LRRC27: variants seen among roughly 807,000 people sequenced by gnomAD.
LRRC27 encodes leucine rich repeat containing 27.
Under a neutral mutation model 55.0 loss-of-function variants are expected in LRRC27, and 57 were observed. That is an observed-to-expected ratio of 1.04 (90% CI 0.84 to 1.29). LRRC27 has a LOEUF of 1.29. LRRC27 is among the 50% of genes most tolerant of loss of function. The pLI, the probability that LRRC27 is intolerant of heterozygous loss-of-function variation, is 0.00. For synonymous variants in LRRC27, 278 were observed against 251.9 expected, an observed-to-expected ratio of 1.10 and a Z score of -0.98; for missense variants, 721 against 651.5, an observed-to-expected ratio of 1.11 and a Z score of -1.16.
chr10:132,336,584 A>G (rs552224920), intron 2 of LRRC27, among the ~76,000 whole-genome samples: 85 of 152,360 alleles, frequency 5.6e-4, no homozygotes, highest in African/African-American at 1.8e-3. Context: ...TGTTTCATAG[A>G]GAAGGCAACG....
At chr10:132,336,997 G>A (rs1026502986) in intron 2 of LRRC27, 7 of 927,232 alleles carry the variant, frequency 7.5e-6, no homozygotes, top group East Asian at 6.5e-5. Context: ...ACTTTACAAC[G>A]CCACCGAGTT....
intron 9 of LRRC27, among the ~76,000 whole-genome samples, chr10:132,364,185 G>C (rs947393343): frequency 1.3e-5 from 2 of 151,922 alleles, no homozygotes; most frequent in Non-Finnish European, 2.9e-5. Context: ...CTTTTCCATA[G>C]TTACTCTGAA....
rs1209374858 is a variant in LRRC27 at position 132,344,502 on chromosome 10, C to T, written c.405C>T (p.Ser135=). 6.8e-6 allele frequency: 11 copies of T among 1,612,258 alleles called. No homozygotes were observed. Among genetic ancestry groups the T allele is most frequent in the African/African-American group, 4.0e-5 (3 of 74,846 alleles). Residue 135 remains serine (S), a synonymous_variant, in exon 5 of 11, where the codon AGC becomes AGT. Transcript: ENST00000368614. ...PIKMLPVELG[S]VTTLKALNLR... is the part of the protein sequence containing the mutation. Reference sequence around the variant, plus strand: ...TTTTTTTTTCCTCCACTGCAGGGAGCGTAACCACGCTGAAAGCACTGAACC... The same window carrying T: ...TTTTTTTTTCCTCCACTGCAGGGAGTGTAACCACGCTGAAAGCACTGAACC...
intron 7 of LRRC27, among the ~76,000 whole-genome samples, 191 bp downstream of exon 7, chr10:132,351,944 G>T (rs564888676): frequency 1.3e-5 from 2 of 152,258 alleles, no homozygotes; most frequent in Non-Finnish European, 2.9e-5. Context: ...GTAGCGCCAC[G>T]CACGGGCTCG....
At chr10:132,362,107 G>A (rs924999327) in intron 9 of LRRC27, among the ~76,000 whole-genome samples, 2 of 152,222 alleles carry the variant, frequency 1.3e-5, no homozygotes, top group Non-Finnish European at 2.9e-5. Context: ...AGGCAAAGTA[G>A]CCACCATGGG....
At chr10:132,344,768 C>T in intron 5 of LRRC27, 118 bp downstream of exon 5, 1 of 1,135,654 alleles carries the variant, frequency 8.8e-7, no homozygotes, top group Non-Finnish European at 1.3e-6. Context: ...AGCCATGGGT[C>T]CTCTGCTGAG....
upstream of LRRC27, chr10:132,331,815 C>T (rs1235621024): frequency 1.9e-6 from 3 of 1,577,926 alleles, no homozygotes; most frequent in Non-Finnish European, 2.6e-6. Context: ...CGTCGACCAC[C>T]ACCCCTTCAA....
rs1211137305 is a variant in LRRC27 at position 132,348,119 on chromosome 10, G to C, written c.689G>C (p.Ser230Thr). 1 of 1,613,984 alleles carries C rather than the reference G, an allele frequency of 6.2e-7. No homozygotes were observed. The highest frequency in any genetic ancestry group is 8.5e-7 in the Non-Finnish European group (1 of 1,180,050). The change falls in exon 6 of 11, where the codon AGC becomes ACC. Residue 230 changes from serine (S) to threonine (T), a missense_variant. Transcript: ENST00000368614. This position sits in a 1 kb window ranked among gnomAD's most constrained non-coding sequence, Gnocchi z 4.2. ...PEGAVMKEKA[S>T]FLPPVEKPDL... ...GGGGCTGTGATGAAAGAGAAGGCCA[G>C]CTTTCTCCCACCTGTGGAAAAGCCA...
intron 3 of LRRC27, among the ~76,000 whole-genome samples, chr10:132,341,302 C>T (rs371113343): frequency 6.6e-6 from 1 of 151,518 alleles, no homozygotes. Context: ...GCCCAGGAGG[C>T]GGAGGTTGCA....
At chr10:132,353,641 T>C (rs574914128) in intron 7 of LRRC27, among the ~76,000 whole-genome samples, 1 of 151,902 alleles carries the variant, frequency 6.6e-6, no homozygotes, top group Non-Finnish European at 1.5e-5. Flanking sequence ...GACATGGGAG[T>C]GTGGTCCGGG....
intron 7 of LRRC27, 44 bp from the exon 8 acceptor site, chr10:132,355,746 C>T (rs546524850): frequency 9.7e-5 from 138 of 1,416,326 alleles, no homozygotes; most frequent in African/African-American, 2.3e-4. Flanking sequence ...AGCCTTGGCT[C>T]GAAGCTGCCT....
intron 10 of LRRC27, among the ~76,000 whole-genome samples, chr10:132,371,493 A>T (rs1232661247): frequency 6.6e-6 from 1 of 152,254 alleles, no homozygotes; most frequent in Non-Finnish European, 1.5e-5. Context: ...AGAAGCCACC[A>T]GAATGACAGG....
chr10:132,342,114 C>A, intron 3 of LRRC27, 99 bp from the exon 4 acceptor site: 1 of 733,432 alleles, frequency 1.4e-6, no homozygotes, highest in East Asian at 2.7e-5. Context: ...TGAAGTTGCC[C>A]CTGAAAGAGA....
In LRRC27 at chr10:132,337,560, GGA is replaced by G; in HGVS notation, c.211-4_211-3del. Reference sequence around the variant, plus strand: ...AACATTCTCTGATTCTCTTTTCCATGGAAGCAATTGCATCTGCAAAGGAATGC... The same window carrying G: ...AACATTCTCTGATTCTCTTTTCCATGAGCAATTGCATCTGCAAAGGAATGC... On this transcript the variant is annotated splice_polypyrimidine_tract_variant and splice_region_variant and intron_variant, in intron 2 of 10. Transcript: ENST00000368614. The G allele has an allele frequency of 6.2e-7, 1 of 1,610,668 alleles. No individual in the cohort carries two copies. The highest frequency in any genetic ancestry group is 8.5e-7 in the Non-Finnish European group (1 of 1,178,812).
At chr10:132,366,829 G>A in intron 10 of LRRC27, 6 of 1,263,650 alleles carry the variant, frequency 4.7e-6, no homozygotes, top group Non-Finnish European at 6.2e-6. Flanking sequence ...CATTTCCGCT[G>A]TTTCCCTCTC....
intron 3 of LRRC27, among the ~76,000 whole-genome samples, chr10:132,340,359 C>T (rs564313422): frequency 1.3e-5 from 2 of 152,112 alleles, no homozygotes; most frequent in Admixed American, 1.3e-4. Context: ...ACATGCACCC[C>T]CCGCAATCCC....
chr10:132,331,513 C>T, upstream of LRRC27: 2 of 1,612,942 alleles, frequency 1.2e-6, no homozygotes, highest in Non-Finnish European at 1.7e-6. Flanking sequence ...AGTCTGCGTT[C>T]CCCTGGCAGC....
intron 8 of LRRC27, 36 bp downstream of exon 8, chr10:132,355,922 C>G: frequency 7.0e-7 from 1 of 1,438,832 alleles, no homozygotes; most frequent in Non-Finnish European, 9.5e-7. Context: ...GGCACTAGTC[C>G]AGTCCCGGGG....
intron 2 of LRRC27, among the ~76,000 whole-genome samples, chr10:132,336,323 A>C (rs1479332445): frequency 1.3e-5 from 2 of 152,204 alleles, no homozygotes; most frequent in Non-Finnish European, 2.9e-5. Flanking sequence ...GTGCACACCC[A>C]TATACGTGGG....
Sources: gnomAD v4.1 joint callset for allele counts (sites outside exome capture counted in the v4.1 genomes callset) on GRCh38, gnomAD v4.1.1 for gene constraint, Gnocchi (gnomAD v3.1) non-coding constraint, MANE v1.5 for transcripts, NCBI Gene and HGNC (gene_info 2026-07-23, HGNC 2026-07-21) for gene names.